The following MED13L variants were observed in gnomAD, a reference collection of about 807,000 sequenced individuals.
MED13L encodes the protein mediator of RNA polymerase II transcription subunit 13-like.
A neutral mutation model predicts 220.9 loss-of-function variants in MED13L; 7 were observed. That is an observed-to-expected ratio of 0.03 (90% CI 0.02 to 0.06). The LOEUF is 0.06. MED13L is among the 10% of genes least tolerant of loss of function. The probability of loss-of-function intolerance (pLI) is 1.00; values close to 1 mark genes in which losing one functional copy is unlikely to be tolerated. For synonymous variants in MED13L, 1,011 were observed against 1,015.2 expected (o/e 1.00, Z 0.08); for missense variants, 1,965 against 2,760.5 (o/e 0.71, Z 6.46).
intron 1 of MED13L, among the ~76,000 whole-genome samples, chr12:116,242,759 T>G (rs1870767384): frequency 1.3e-5 from 2 of 152,206 alleles, no homozygotes; most frequent in African/African-American, 2.4e-5. Context: ...TCAGAAAGGT[T>G]GAATAATTCT....
chr12:115,970,908 T>A, intron 26 of MED13L, 138 bp from the exon 27 acceptor site: 1 of 835,718 alleles, frequency 1.2e-6, no homozygotes, highest in Non-Finnish European at 1.9e-6. Context: ...TCCAATTGTT[T>A]AAATATCTTC....
intron 2 of MED13L, among the ~76,000 whole-genome samples, chr12:116,224,491 T>C (rs991977837): frequency 6.6e-6 from 1 of 152,226 alleles, no homozygotes; most frequent in Non-Finnish European, 1.5e-5. Context: ...ATGCTCTGTG[T>C]GTATATACTC....
chr12:116,172,371 G>T (rs527883395), intron 2 of MED13L, among the ~76,000 whole-genome samples: 2 of 152,256 alleles, frequency 1.3e-5, no homozygotes, highest in Non-Finnish European at 2.9e-5. Flanking sequence ...CCACTGCATT[G>T]TTCCAGGTAG....
At chr12:116,112,176 GC>G (rs1406358864) in intron 2 of MED13L, among the ~76,000 whole-genome samples, 1 of 152,090 alleles carries the variant, frequency 6.6e-6, no homozygotes, top group African/African-American at 2.4e-5. Flanking sequence ...TATTAACAAT[GC>G]CCCATGCATT....
In MED13L at chr12:116,041,145, A is replaced by C. The variant is rs142978794; in HGVS notation, c.480-18544T>G. ...AATCTCATCTCGAATTGTAATCCTC[A>C]TGTGTTGAGGGAGGGGCCAGGTAGA... On this transcript the variant is annotated intron_variant, in intron 4 of 30. Transcript: ENST00000281928. Among the ~76,000 whole-genome samples the C allele has an allele frequency of 1.4e-3, 207 of 152,096 alleles. 1 individual carries two copies. The highest frequency in any genetic ancestry group is 4.8e-3 in the African/African-American group (199 of 41,444).
At chr12:116,070,699 CTTGA>C (rs1376430875) in intron 4 of MED13L, among the ~76,000 whole-genome samples, 2 of 152,082 alleles carry the variant, frequency 1.3e-5, no homozygotes, top group African/African-American at 4.8e-5. Context: ...TAAAGATGGT[CTTGA>C]TTGAGACAGC....
Position 115,986,318 on chromosome 12 carries a change from G to A in MED13L, c.4286C>T (p.Ala1429Val). ...AYIVVCPENE[A>V]LLEGAKTFFR... is the part of the protein sequence containing the mutation. ...GAAAGTTTTGGCTCCTTCGAGCAAGGCCTCATTTTCTGGACACACCACAAT... is the reference window on the plus strand; with the variant it reads ...GAAAGTTTTGGCTCCTTCGAGCAAGACCTCATTTTCTGGACACACCACAAT... Residue 1429 changes from alanine to valine, a missense_variant, in exon 19 of 31, where the codon GCC becomes GTC. Coordinates refer to ENST00000281928, the MANE Select transcript of MED13L (RefSeq NM_015335.5). 6.2e-7 allele frequency: 1 copy of A among 1,614,088 alleles called. No homozygotes were observed. The highest frequency in any genetic ancestry group is 8.5e-7 in the Non-Finnish European group (1 of 1,180,002).
chr12:115,991,722 C>T lies in MED13L; in HGVS notation c.3232G>A (p.Asp1078Asn). The T allele has an allele frequency of 3.1e-6, 5 of 1,613,696 alleles. No homozygotes were observed. Among genetic ancestry groups the T allele is most frequent in the Non-Finnish European group, 4.2e-6 (5 of 1,179,814 alleles). The change falls in exon 17 of 31, where the codon GAT becomes AAT. Residue 1078 changes from aspartate (D) to asparagine (N), a missense_variant. Asp to Asn is a conservative substitution (Grantham distance 23). Around this residue, in one of 10 missense-constraint regions of MED13L, gnomAD observed 233 missense variants for 306.2 expected, o/e 0.76. Coordinates refer to ENST00000281928, the MANE Select transcript of MED13L (RefSeq NM_015335.5). The surrounding 1 kb of genome is among the most constrained non-coding windows in gnomAD (Gnocchi z 7.7). ...GGGGTGGAGGCTGGTGATCCTTGAT[C>T]GGTGCTATCATACTTAACAGACCCT... Reference protein sequence around the residue: ...GQGSVKYDSTDQGSPASTPST... With the variant: ...GQGSVKYDSTNQGSPASTPST...
chr12:116,204,664 T>C (rs1336300892), intron 2 of MED13L, among the ~76,000 whole-genome samples: 2 of 152,226 alleles, frequency 1.3e-5, no homozygotes, highest in South Asian at 2.1e-4. Flanking sequence ...CTCTCCATTA[T>C]ATGTGTCCTC....
intron 13 of MED13L, among the ~76,000 whole-genome samples, chr12:116,005,220 C>T (rs993253075): frequency 6.6e-6 from 1 of 152,158 alleles, no homozygotes; most frequent in Admixed American, 6.6e-5. Context: ...CTCTAGATCT[C>T]CCAGAAAAAA....
At chr12:116,224,094 T>G (rs985414270) in intron 2 of MED13L, among the ~76,000 whole-genome samples, 5 of 152,202 alleles carry the variant, frequency 3.3e-5, no homozygotes, top group African/African-American at 1.2e-4. Context: ...AAAAGTCAGA[T>G]GCAGGTCCTA....
At chr12:116,038,969 A>T (rs1436811144) in intron 4 of MED13L, among the ~76,000 whole-genome samples, 4 of 151,960 alleles carry the variant, frequency 2.6e-5, no homozygotes, top group African/African-American at 9.7e-5. Flanking sequence ...TAATGAGATG[A>T]GGCAGGAAAA....
intron 2 of MED13L, among the ~76,000 whole-genome samples, chr12:116,210,585 T>TATATATATATATATATATATATATATA (rs1593169076): frequency 2.0e-5 from 2 of 100,582 alleles, no homozygotes; most frequent in African/African-American, 8.0e-5. Flanking sequence ...ATATATATAT[T>TATATATATATATATATATATATATATA]TCTATAGTGG....
intron 1 of MED13L, among the ~76,000 whole-genome samples, chr12:116,250,454 T>C (rs759814187): frequency 4.6e-5 from 7 of 151,324 alleles, no homozygotes; most frequent in African/African-American, 9.7e-5. Context: ...AGGTAACATA[T>C]AAATAAATAA....
chr12:116,122,487 T>C (rs1875187064), intron 2 of MED13L, among the ~76,000 whole-genome samples: 1 of 152,200 alleles, frequency 6.6e-6, no homozygotes, highest in Non-Finnish European at 1.5e-5. Flanking sequence ...TTTCTTGAAT[T>C]GCTCATGAGT....
In MED13L at chr12:115,958,725, T is replaced by C. The variant is rs960331206; in HGVS notation, c.*2541A>G. The C allele has an allele frequency of 6.6e-6, 1 of 152,548 alleles. No individual in the cohort carries two copies. Among genetic ancestry groups the C allele is most frequent in the Non-Finnish European group, 1.5e-5 (1 of 68,040 alleles). 9.4% of individuals were successfully genotyped at this position (152,548 alleles called of 1,614,324 possible). A position where few individuals can be genotyped will look rare whatever the true frequency, so the allele number is the denominator to read the frequency against. ...CTTTTAGTGTACTGTACCAGCGCTA[T>C]ACTGTAGTTATTTTTTTAAATGAAC... On this transcript the variant is annotated 3_prime_UTR_variant, in exon 31 of 31. Transcript: ENST00000281928.
At chr12:116,139,747 T>C (rs1440362704) in intron 2 of MED13L, among the ~76,000 whole-genome samples, 1 of 151,832 alleles carries the variant, frequency 6.6e-6, no homozygotes, top group Non-Finnish European at 1.5e-5. Context: ...GTAATGCCAG[T>C]ACTCCTGAGG....
intron 14 of MED13L, among the ~76,000 whole-genome samples, chr12:115,998,607 G>A (rs1878554740): frequency 6.6e-6 from 1 of 152,186 alleles, no homozygotes; most frequent in African/African-American, 2.4e-5. Flanking sequence ...GAGGGGAGAG[G>A]AAAGCTTTCA....
chr12:116,038,911 T>C (rs542375284), intron 4 of MED13L, among the ~76,000 whole-genome samples: 2 of 152,148 alleles, frequency 1.3e-5, no homozygotes, highest in East Asian at 1.9e-4. Context: ...TATTTTTTTT[T>C]CCCGCCTCGT....
Sources: allele counts gnomAD v4.1 joint callset (sites outside exome capture counted in the v4.1 genomes callset), GRCh38; gene constraint gnomAD v4.1.1; regional missense constraint gnomAD v4.1.1; non-coding constraint Gnocchi (gnomAD v3.1); transcripts MANE v1.5; gene names NCBI Gene and HGNC (gene_info 2026-07-23, HGNC 2026-07-21).